The following MEGF11 variants were observed in gnomAD, a reference collection of about 807,000 sequenced individuals.
MEGF11 encodes multiple epidermal growth factor-like domains protein 11.
MEGF11 carries 126 observed loss-of-function variants against 146.6 expected under a neutral mutation model. The ratio of observed to expected loss-of-function variants is 0.86; its 90% CI spans 0.74 to 1.00. MEGF11 has a LOEUF of 1.00. Ranked by LOEUF, MEGF11 falls within the 50% of genes least tolerant of loss-of-function variation. The pLI is 0.00. For synonymous variants in MEGF11, 532 were observed against 583.4 expected (o/e 0.91, Z 1.27); for missense variants, 1,509 against 1,521.2 (o/e 0.99, Z 0.13).
At chr15:66,210,418 G>A (rs998756441) in intron 1 of MEGF11, among the ~76,000 whole-genome samples, 28 of 152,278 alleles carry the variant, frequency 1.8e-4, no homozygotes, top group African/African-American at 6.3e-4. Flanking sequence ...GCCTGGGAAT[G>A]ACAGCTTCTT....
At chr15:66,179,198 T>C (rs1024125904) in intron 1 of MEGF11, among the ~76,000 whole-genome samples, 5 of 152,186 alleles carry the variant, frequency 3.3e-5, no homozygotes, top group African/African-American at 1.2e-4. Flanking sequence ...AGTGATATGA[T>C]CTCAGCTCAC....
intron 18 of MEGF11, 65 bp from the exon 19 acceptor site, chr15:65,915,663 A>G: frequency 6.3e-7 from 1 of 1,580,834 alleles, no homozygotes; most frequent in East Asian, 2.3e-5. Context: ...TTCCATGTTT[A>G]GACAGCTATG....
intron 1 of MEGF11, among the ~76,000 whole-genome samples, chr15:66,245,547 G>C (rs983524163): frequency 6.6e-5 from 10 of 151,832 alleles, no homozygotes; most frequent in Non-Finnish European, 1.5e-4. Flanking sequence ...CGGGAAGATA[G>C]CTTGAGCCCA....
At position 65,915,571 on chromosome 15, in the gene MEGF11, C is replaced by T. The variant is rs2078967689; in HGVS notation, c.2372G>A (p.Gly791Glu). Residue 791 changes from glycine to glutamate, a missense_variant, in exon 19 of 26, where the codon GGG becomes GAG. Coordinates refer to ENST00000395614, the MANE Select transcript of MEGF11 (RefSeq NM_001385028.1). ...QRCAPGTFGY[G>E]CQQLCECMNN... is the part of the protein sequence containing the mutation. ...CATGCACTCACATAGCTGCTGACAC[C>T]CATAGCCAAAGGTTCCTGGGGCACA... 1.2e-6 allele frequency: 2 copies of T among 1,613,786 alleles called. No individual in the cohort carries two copies. Among genetic ancestry groups the T allele is most frequent in the Admixed American group, 3.3e-5 (2 of 59,976 alleles).
In MEGF11 at chr15:65,982,198, G is replaced by A. The variant is rs563741436; in HGVS notation, c.641+44C>T. The A allele has an allele frequency of 9.3e-6, 5 of 537,616 alleles. No individual in the cohort carries two copies. The highest frequency in any genetic ancestry group is 3.1e-5 in the African/African-American group (1 of 32,522). The allele number at this position is 537,616 out of a possible 1,614,324, so 33.3% of individuals were successfully genotyped here. ...CCCACCCAGGCACCCTCCAGGTCCC[G>A]CCCCTCCAGGTCCCGCCCCTCCAGG... is the stretch of plus-strand genomic sequence containing the variant. On this transcript the variant is annotated intron_variant, in intron 6 of 25. Transcript: ENST00000395614. The surrounding 1 kb of genome is among the most constrained non-coding windows in gnomAD (Gnocchi z 5.6).
chr15:66,096,303 T>C (rs2086550653), intron 4 of MEGF11, among the ~76,000 whole-genome samples: 1 of 152,172 alleles, frequency 6.6e-6, no homozygotes, highest in Non-Finnish European at 1.5e-5. Context: ...GGCGGTGAAA[T>C]CAAGCAGTGA....
chr15:66,233,790 G>C (rs1054509035), intron 1 of MEGF11, among the ~76,000 whole-genome samples: 3 of 152,150 alleles, frequency 2.0e-5, no homozygotes, highest in East Asian at 1.9e-4. Flanking sequence ...ACTGGTTTAG[G>C]AAGGAGCATG....
At chr15:66,123,062 C>A (rs916643589) in intron 3 of MEGF11, among the ~76,000 whole-genome samples, 16 of 152,134 alleles carry the variant, frequency 1.1e-4, no homozygotes, top group Non-Finnish European at 2.1e-4. Flanking sequence ...GGATTTCAGG[C>A]GTGAGCCACC....
chr15:66,064,546 T>G (rs990000097), intron 5 of MEGF11, among the ~76,000 whole-genome samples: 2 of 151,994 alleles, frequency 1.3e-5, no homozygotes, highest in African/African-American at 4.8e-5. Context: ...AGATGGAGTT[T>G]CACTCTTGTT....
chr15:65,975,846 G>A (rs1380464231), intron 7 of MEGF11, among the ~76,000 whole-genome samples: 2 of 152,136 alleles, frequency 1.3e-5, no homozygotes, highest in Non-Finnish European at 2.9e-5. Context: ...GGCACATGGT[G>A]GGAGCCCCAT....
chr15:65,982,175 C>G lies in MEGF11; in HGVS notation c.641+67G>C, dbSNP rs1465466500. On this transcript the variant is annotated intron_variant, in intron 6 of 25. Transcript: ENST00000395614. The surrounding 1 kb of genome is among the most constrained non-coding windows in gnomAD (Gnocchi z 5.6). Reference sequence around the variant, plus strand: ...GCCCCTCCACCTCCTCTACCCTCCCCACCCAGGCACCCTCCAGGTCCCGCC... The same window carrying G: ...GCCCCTCCACCTCCTCTACCCTCCCGACCCAGGCACCCTCCAGGTCCCGCC... The G allele has an allele frequency of 1.5e-5, 22 of 1,482,160 alleles. No homozygotes were observed. The highest frequency in any genetic ancestry group is 1.7e-5 in the Non-Finnish European group (19 of 1,113,746). The allele number at this position is 1,482,160 out of a possible 1,614,324, so 91.8% of individuals were successfully genotyped here. A position where few individuals can be genotyped will look rare whatever the true frequency, so the allele number is the denominator to read the frequency against.
chr15:66,150,823 CGAGAGAGAGAGAGAGA>C lies in MEGF11; in HGVS notation c.-8-22428_-8-22413del, dbSNP rs66595752. Among the ~76,000 whole-genome samples the C allele has an allele frequency of 6.1e-3, 633 of 104,358 alleles. 4 individuals carry two copies. The highest frequency in any genetic ancestry group is 0.018 in the African/African-American group (456 of 25,786). The allele number at this position is 104,358 out of a possible 152,430, so 68.5% of individuals were successfully genotyped here. On this transcript the variant is annotated intron_variant, in intron 1 of 25. Coordinates refer to ENST00000395614, the MANE Select transcript of MEGF11 (RefSeq NM_001385028.1). ...CCTGGGCAATAGAGCAATGCCCTGT[CGAGAGAGAGAGAGAGA>C]GAGAGAGAGAGAGAGAGAGAGAGAG...
chr15:66,206,989 T>C (rs2091315984), intron 1 of MEGF11, among the ~76,000 whole-genome samples: 2 of 151,996 alleles, frequency 1.3e-5, no homozygotes, highest in African/African-American at 2.4e-5. Flanking sequence ...AACCTGAAGA[T>C]AGCTCAAGTG....
intron 1 of MEGF11, among the ~76,000 whole-genome samples, chr15:66,219,840 T>C (rs576515827): frequency 4.6e-5 from 7 of 152,302 alleles, no homozygotes; most frequent in African/African-American, 1.4e-4. Context: ...AGCCCAAACC[T>C]GTAAATAGCC....
chr15:66,027,156 A>G (rs2083360767), intron 5 of MEGF11, among the ~76,000 whole-genome samples: 1 of 152,196 alleles, frequency 6.6e-6, no homozygotes, highest in Non-Finnish European at 1.5e-5. Context: ...CAGGCCAGCA[A>G]GCTCACTCAG....
At chr15:65,935,194 C>G (rs1195503924) in intron 10 of MEGF11, among the ~76,000 whole-genome samples, 2 of 151,970 alleles carry the variant, frequency 1.3e-5, no homozygotes, top group Non-Finnish European at 2.9e-5. Flanking sequence ...GTGGTGCACA[C>G]CTGTAGTCCC....
intron 7 of MEGF11, among the ~76,000 whole-genome samples, chr15:65,978,442 C>G (rs1376637443): frequency 6.6e-6 from 1 of 152,206 alleles, no homozygotes; most frequent in Admixed American, 6.5e-5. Context: ...GTCCTCAAAT[C>G]CAAAGGCTTC....
chr15:66,194,937 C>T (rs963795241), intron 1 of MEGF11, among the ~76,000 whole-genome samples: 2 of 152,182 alleles, frequency 1.3e-5, no homozygotes, highest in Non-Finnish European at 2.9e-5. Flanking sequence ...TCACTTGCTG[C>T]TCTTGCCAAC....
chr15:66,102,115 C>A (rs2086835155), intron 4 of MEGF11, among the ~76,000 whole-genome samples: 1 of 151,286 alleles, frequency 6.6e-6, no homozygotes, highest in South Asian at 2.1e-4. Flanking sequence ...AAAGCTCCAG[C>A]ATTGCAGTCA....
Sources: gnomAD v4.1 joint callset for allele counts (sites outside exome capture counted in the v4.1 genomes callset) on GRCh38, gnomAD v4.1.1 for gene constraint, Gnocchi (gnomAD v3.1) non-coding constraint, MANE v1.5 for transcripts, NCBI Gene and HGNC (gene_info 2026-07-23, HGNC 2026-07-21) for gene names.